Variants in NCKAP5 observed in about 807,000 individuals in gnomAD.
NCKAP5 encodes nck-associated protein 5.
NCKAP5 carries 92 observed loss-of-function variants against 167.0 expected under a neutral mutation model. The observed-to-expected ratio is 0.55, with a 90% CI of 0.47 to 0.66. The LOEUF is 0.66. Ranked by LOEUF, NCKAP5 falls within the 30% of genes least tolerant of loss-of-function variation. The pLI, the probability that NCKAP5 is intolerant of heterozygous loss-of-function variation, is 0.00. For synonymous variants in NCKAP5, 891 were observed against 877.4 expected (o/e 1.02, Z -0.27); for missense variants, 2,378 against 2,315.0 (o/e 1.03, Z -0.56).
intron 6 of NCKAP5, among the ~76,000 whole-genome samples, chr2:133,079,748 T>C (rs2080739526): frequency 6.6e-6 from 1 of 152,184 alleles, no homozygotes; most frequent in African/African-American, 2.4e-5. Context: ...TTAATACATT[T>C]CTAAGTTTCT....
chr2:132,873,932 G>C (rs2044566), intron 9 of NCKAP5, among the ~76,000 whole-genome samples: 25,844 of 152,078 alleles, frequency 0.17, 2,672 homozygotes, highest in East Asian at 0.32. Flanking sequence ...TGTGGGCCGG[G>C]AATCTGCTGG....
At chr2:133,640,176 A>G in the NCKAP5 span, among the ~76,000 whole-genome samples, 5 of 152,212 alleles carry the variant, frequency 3.3e-5, no homozygotes, top group Non-Finnish European at 5.9e-5. Context: ...ATACACAGGA[A>G]CATCAATTTT....
chr2:132,864,546 T>C (rs1690189848), intron 10 of NCKAP5, among the ~76,000 whole-genome samples: 1 of 152,198 alleles, frequency 6.6e-6, no homozygotes, highest in African/African-American at 2.4e-5. Context: ...ATCCACACAC[T>C]GTAATCCTGA....
chr2:132,858,827 A>G (rs1374492883), intron 11 of NCKAP5, among the ~76,000 whole-genome samples: 1 of 152,208 alleles, frequency 6.6e-6, no homozygotes, highest in African/African-American at 2.4e-5. Context: ...GTGACAGCCA[A>G]TGAAAATGCT....
chr2:133,164,910 C>G (rs1465461291), intron 5 of NCKAP5, among the ~76,000 whole-genome samples: 1 of 152,196 alleles, frequency 6.6e-6, no homozygotes, highest in Non-Finnish European at 1.5e-5. Context: ...AGGCACAGGA[C>G]GTCTGTATCA....
intron 8 of NCKAP5, among the ~76,000 whole-genome samples, chr2:132,885,891 C>A (rs899937244): frequency 1.3e-5 from 2 of 152,230 alleles, no homozygotes; most frequent in Non-Finnish European, 2.9e-5. Context: ...CTGTCCTCTG[C>A]ATAACATAAC....
At position 133,504,135 on chromosome 2, in the gene NCKAP5, A is replaced by G. The variant is rs191691004; in HGVS notation, c.69+13323T>C. On this transcript the variant is annotated intron_variant, in intron 3 of 19. Coordinates refer to ENST00000409261, the MANE Select transcript of NCKAP5 (RefSeq NM_207363.3). ...ACTACAACTGCAAATTGAATTTTTG[A>G]AAATTAAATCCAATTTAAAATGCAT... is the stretch of plus-strand genomic sequence containing the variant. 1.2e-3 allele frequency among the ~76,000 whole-genome samples: 186 copies of G among 152,236 alleles called. 2 individuals carry two copies. Among genetic ancestry groups the G allele is most frequent in the African/African-American group, 4.2e-3 (176 of 41,556 alleles).
intron 6 of NCKAP5, among the ~76,000 whole-genome samples, chr2:133,096,646 T>G (rs1012908253): frequency 6.6e-6 from 1 of 152,218 alleles, no homozygotes; most frequent in African/African-American, 2.4e-5. Flanking sequence ...GGCTTCCTAT[T>G]TGTGGAACAG....
rs2004450 is a variant in NCKAP5 at position 132,736,742 on chromosome 2, G to A, written c.5129-4691C>T. On this transcript the variant is annotated intron_variant, in intron 16 of 19. Coordinates refer to ENST00000409261, the MANE Select transcript of NCKAP5 (RefSeq NM_207363.3). Reference sequence around the variant, plus strand: ...GTGGAGGTGGCAGTGAGCCGAGATCGCACCACTGCACTCCAGCCTGGTGAC... The same window carrying A: ...GTGGAGGTGGCAGTGAGCCGAGATCACACCACTGCACTCCAGCCTGGTGAC... Among the ~76,000 whole-genome samples the A allele has an allele frequency of 0.013, 2,036 of 152,186 alleles. 85 individuals are homozygous for A. The East Asian group carries it at 0.16, about 12-fold the overall frequency.
chr2:133,035,991 A>G (rs2079028358), intron 6 of NCKAP5, among the ~76,000 whole-genome samples: 1 of 151,978 alleles, frequency 6.6e-6, no homozygotes, highest in Admixed American at 6.6e-5. Context: ...GATAAAAGAG[A>G]CATTATAACT....
chr2:132,850,960 C>T (rs923379489), intron 11 of NCKAP5, among the ~76,000 whole-genome samples: 4 of 151,940 alleles, frequency 2.6e-5, no homozygotes, highest in Non-Finnish European at 5.9e-5. Context: ...GGGCAATGTC[C>T]GTCATTCCAG....
At chr2:132,765,809 T>C (rs546624131) in intron 16 of NCKAP5, among the ~76,000 whole-genome samples, 18 of 152,252 alleles carry the variant, frequency 1.2e-4, no homozygotes, top group African/African-American at 3.1e-4. Flanking sequence ...TTTCCTATCC[T>C]ATGTGACCAA....
At chr2:133,043,424 G>A (rs1160285489) in intron 6 of NCKAP5, among the ~76,000 whole-genome samples, 1 of 151,922 alleles carries the variant, frequency 6.6e-6, no homozygotes, top group African/African-American at 2.4e-5. Flanking sequence ...TTAATTCAGG[G>A]GTTTCCAATC....
chr2:133,144,227 T>C (rs1184095937), intron 5 of NCKAP5, among the ~76,000 whole-genome samples: 1 of 152,126 alleles, frequency 6.6e-6, no homozygotes, highest in Non-Finnish European at 1.5e-5. Context: ...TTAGGCTTGA[T>C]GTGCCACACA....
intron 3 of NCKAP5, among the ~76,000 whole-genome samples, chr2:133,514,129 C>T (rs1023444786): frequency 2.6e-5 from 4 of 152,180 alleles, no homozygotes; most frequent in African/African-American, 4.8e-5. Flanking sequence ...TTGCCGTGAA[C>T]GTATATACGG....
intron 4 of NCKAP5, among the ~76,000 whole-genome samples, chr2:133,261,434 T>C (rs553056977): frequency 1.3e-5 from 2 of 152,310 alleles, no homozygotes; most frequent in African/African-American, 2.4e-5. Context: ...TTCACAGATA[T>C]CAATACTGCT....
chr2:133,471,661 A>C (rs1416899250), intron 3 of NCKAP5, among the ~76,000 whole-genome samples: 1 of 152,252 alleles, frequency 6.6e-6, no homozygotes, highest in South Asian at 2.1e-4. Flanking sequence ...CTTTGGATAC[A>C]CAGTTAACAT....
intron 2 of NCKAP5, among the ~76,000 whole-genome samples, chr2:133,532,914 T>C (rs1685478498): frequency 6.6e-6 from 1 of 152,166 alleles, no homozygotes; most frequent in Non-Finnish European, 1.5e-5. Flanking sequence ...GTTTCTAAGA[T>C]CCAAAATACT....
intron 6 of NCKAP5, among the ~76,000 whole-genome samples, chr2:133,048,613 G>T (rs573605044): frequency 2.8e-4 from 43 of 152,158 alleles, no homozygotes; most frequent in Admixed American, 2.6e-3. Context: ...CTGTATGAGG[G>T]TTTATTGGAC....
Sources: allele counts gnomAD v4.1 joint callset (sites outside exome capture counted in the v4.1 genomes callset), GRCh38; gene constraint gnomAD v4.1.1; transcripts MANE v1.5; gene names NCBI Gene and HGNC (gene_info 2026-07-23, HGNC 2026-07-21).